STAU1: variants seen among roughly 807,000 people sequenced by gnomAD.
STAU1 encodes staufen double-stranded RNA binding protein 1.
In STAU1, 13 loss-of-function variants were observed where a neutral mutation model predicts 62.9. The observed-to-expected ratio is 0.21, with a 90% CI of 0.13 to 0.33. STAU1 has a LOEUF of 0.33. STAU1 is among the 10% of genes least tolerant of loss of function. The pLI is 1.00. For missense variants in STAU1, 571 were observed against 712.1 expected (o/e 0.80, Z 2.25); for synonymous variants, 269 against 265.1 (o/e 1.01, Z -0.14).
chr20:49,193,358 C>G (rs577642474), upstream of STAU1, among the ~76,000 whole-genome samples: 1 of 151,590 alleles, frequency 6.6e-6, no homozygotes, highest in East Asian at 1.9e-4. Flanking sequence ...GCCTGGCCAA[C>G]AGAGCAAGAC....
chr20:49,178,319 A>G (rs1600872018), intron 1 of STAU1, among the ~76,000 whole-genome samples: 1 of 152,176 alleles, frequency 6.6e-6, no homozygotes, highest in African/African-American at 2.4e-5. Context: ...TCCCCAGTCA[A>G]GAATGCATAC....
At chr20:49,184,837 A>G (rs2093768718) in intron 1 of STAU1, among the ~76,000 whole-genome samples, 1 of 152,206 alleles carries the variant, frequency 6.6e-6, no homozygotes, top group South Asian at 2.1e-4. Flanking sequence ...ATAACATGTA[A>G]CATTTCCACT....
intron 1 of STAU1, among the ~76,000 whole-genome samples, chr20:49,177,724 A>G (rs2093677198): frequency 6.6e-6 from 1 of 152,134 alleles, no homozygotes; most frequent in African/African-American, 2.4e-5. Context: ...AAAGCTAAAT[A>G]TAAGAACGGA....
the STAU1 span, among the ~76,000 whole-genome samples, chr20:49,204,621 TATG>T: frequency 2.1e-5 from 1 of 48,776 alleles, no homozygotes; most frequent in Non-Finnish European, 4.2e-5. Flanking sequence ...TATATATATA[TATG>T]TGTATATATA....
rs148967901 is a variant in STAU1, at chr20:49,185,689, T to A, written c.-160+2427A>T. Among the ~76,000 whole-genome samples the A allele has an allele frequency of 6.0e-4, 92 of 152,292 alleles. 1 individual carries two copies. Among genetic ancestry groups the A allele is most frequent in the African/African-American group, 2.2e-3 (91 of 41,574 alleles). On this transcript the variant is annotated intron_variant, in intron 1 of 13. Coordinates refer to ENST00000371856, the MANE Select transcript of STAU1 (RefSeq NM_017453.4). ...GACCTTGGCTATGAGTTAATAATTG[T>A]CAAAGCTAAGTGAGTGACTAACACA...
the STAU1 span, among the ~76,000 whole-genome samples, chr20:49,217,005 A>T: frequency 3.9e-5 from 6 of 152,210 alleles, no homozygotes; most frequent in Non-Finnish European, 8.8e-5. Flanking sequence ...AGATCTCCAA[A>T]GAGATGGTGC....
At position 49,146,880 on chromosome 20, in the gene STAU1, C is replaced by G. The variant is rs541000573; in HGVS notation, c.510+4702G>C. On this transcript the variant is annotated intron_variant, in intron 5 of 13. Coordinates refer to ENST00000371856, the MANE Select transcript of STAU1 (RefSeq NM_017453.4). Reference sequence around the variant, plus strand: ...ACGTAGCCAAGTTTTTAACCACTTTCCTAGTAACAGACATTTAAGCTAGCC... The same window carrying G: ...ACGTAGCCAAGTTTTTAACCACTTTGCTAGTAACAGACATTTAAGCTAGCC... 2.6e-5 allele frequency among the ~76,000 whole-genome samples: 4 copies of G among 152,168 alleles called. No individual in the cohort carries two copies. The East Asian group carries it at 7.7e-4, about 29-fold the overall frequency.
At chr20:49,129,871 G>A (rs548139036) in intron 6 of STAU1, among the ~76,000 whole-genome samples, 100 of 152,040 alleles carry the variant, frequency 6.6e-4, no homozygotes, top group Middle Eastern at 3.4e-3. Context: ...CAAGTGATCC[G>A]CCCACCTTGG....
At chr20:49,184,132 TGCTGGCCAG>T (rs2093759037) in intron 1 of STAU1, among the ~76,000 whole-genome samples, 1 of 152,088 alleles carries the variant, frequency 6.6e-6, no homozygotes, top group African/African-American at 2.4e-5. Context: ...GGTTTCGCCA[TGCTGGCCAG>T]GCTGGTCTCC....
rs148943294 is a variant in STAU1 at position 49,120,044 on chromosome 20, T to C, written c.1051A>G (p.Ile351Val). Reference sequence around the variant, plus strand: ...GCCTGCGGGACTTTGAAACCAAGGATCTCCAGCATGTTCTCGGCTGCATTG... The same window carrying C: ...GCCTGCGGGACTTTGAAACCAAGGACCTCCAGCATGTTCTCGGCTGCATTG... Reference protein sequence around the residue: ...KRNAAENMLEILGFKVPQAQP... With the variant: ...KRNAAENMLEVLGFKVPQAQP... Residue 351 changes from isoleucine to valine, a missense_variant, in exon 9 of 14, where the codon ATC becomes GTC. Physicochemically the swap from Ile to Val is conservative, Grantham distance 29. Coordinates refer to ENST00000371856, the MANE Select transcript of STAU1 (RefSeq NM_017453.4). The C allele has an allele frequency of 4.3e-6, 7 of 1,614,042 alleles. No individual in the cohort carries two copies. In the African/African-American group the frequency reaches 8.0e-5, roughly 18 times the overall value.
rs1448345959 is a variant in STAU1 at position 49,113,468 on chromosome 20, T to A, written c.*1410A>T. On this transcript the variant is annotated 3_prime_UTR_variant, in exon 14 of 14. Coordinates refer to ENST00000371856, the MANE Select transcript of STAU1 (RefSeq NM_017453.4). The stretch of plus-strand genomic sequence containing the variant: ...AAAATAAAAAAAGGATAGGGGCAAG[T>A]TGGGAGGGGACCAACCTAGCAGTAG... 1 of 152,592 alleles carries A rather than the reference T, an allele frequency of 6.6e-6. No homozygotes were observed. The highest frequency in any genetic ancestry group is 1.5e-5 in the Non-Finnish European group (1 of 68,022). The allele number at this position is 152,592 out of a possible 1,614,324, so 9.5% of individuals were successfully genotyped here.
At chr20:49,159,148 T>A (rs926019725) in intron 3 of STAU1, 186 of 949,250 alleles carry the variant, frequency 2.0e-4, no homozygotes, top group Non-Finnish European at 2.2e-4. Context: ...GGGAAAAAGC[T>A]AAAAAAAAAA....
At chr20:49,138,211 G>A (rs1236259448) in intron 5 of STAU1, among the ~76,000 whole-genome samples, 1 of 152,082 alleles carries the variant, frequency 6.6e-6, no homozygotes, top group East Asian at 1.9e-4. Flanking sequence ...TGAGCCTAGG[G>A]TGTTGAGGCT....
chr20:49,114,774 C>G lies in STAU1; in HGVS notation c.*104G>C. On this transcript the variant is annotated 3_prime_UTR_variant, in exon 14 of 14. Transcript: ENST00000371856. The stretch of plus-strand genomic sequence containing the variant: ...TGCCCACATCCTTTACCCACCGTGT[C>G]TCTCGGCCCACTGGAGGTATCAGAA... The G allele has an allele frequency of 9.2e-7, 1 of 1,087,766 alleles. No individual in the cohort carries two copies. Among genetic ancestry groups the G allele is most frequent in the Non-Finnish European group, 1.4e-6 (1 of 718,672 alleles). 67.4% of individuals were successfully genotyped at this position (1,087,766 alleles called of 1,614,324 possible).
intron 7 of STAU1, among the ~76,000 whole-genome samples, chr20:49,123,701 C>T (rs1600622545): frequency 6.6e-6 from 1 of 152,202 alleles, no homozygotes; most frequent in East Asian, 1.9e-4. Context: ...TTGAGGCCAC[C>T]TTTTGTGCCA....
chr20:49,126,588 C>CAAAAAAAAAAA, intron 6 of STAU1, among the ~76,000 whole-genome samples: 28 of 56,342 alleles, frequency 5.0e-4, no homozygotes, highest in Middle Eastern at 0.013. Flanking sequence ...AAAAAAAAAA[C>CAAAAAAAAAAA]AAAAAAAAAA....
In STAU1 at chr20:49,158,732, C is replaced by T. The variant is rs867041811; in HGVS notation, c.206-4661G>A. Among the ~76,000 whole-genome samples the T allele has an allele frequency of 5.9e-5, 9 of 152,042 alleles. No individual in the cohort carries two copies. In the South Asian group the frequency reaches 6.2e-4, roughly 11 times the overall value. On this transcript the variant is annotated intron_variant, in intron 3 of 13. Transcript: ENST00000371856. ...AGCTGAGGCAGGAGAATCACTTGAACCCGGGAGGCAGAGGTTGCAGTGAGC... is the reference window on the plus strand; with the variant it reads ...AGCTGAGGCAGGAGAATCACTTGAATCCGGGAGGCAGAGGTTGCAGTGAGC...
At chr20:49,134,965 C>T in intron 6 of STAU1, 1 of 1,602,554 alleles carries the variant, frequency 6.2e-7, no homozygotes, top group Non-Finnish European at 8.5e-7. Flanking sequence ...GGTGGACTTG[C>T]TTTGTGAAGA....
At chr20:49,208,786 A>C in the STAU1 span, among the ~76,000 whole-genome samples, 1 of 149,856 alleles carries the variant, frequency 6.7e-6, no homozygotes, top group African/African-American at 2.5e-5. Flanking sequence ...TGCTCGGCTA[A>C]TTTTTTTGTA....
Sources: gnomAD v4.1 joint callset for allele counts (sites outside exome capture counted in the v4.1 genomes callset) on GRCh38, gnomAD v4.1.1 for gene constraint, MANE v1.5 for transcripts, NCBI Gene and HGNC (gene_info 2026-07-23, HGNC 2026-07-21) for gene names.